Variants in TMPRSS3 observed in about 807,000 individuals in gnomAD.
TMPRSS3 encodes transmembrane protease serine 3.
Under a neutral mutation model 59.6 loss-of-function variants are expected in TMPRSS3, and 55 were observed. That is an observed-to-expected ratio of 0.92 (90% CI 0.74 to 1.16). The LOEUF (loss-of-function observed/expected upper bound fraction) is 1.16. TMPRSS3 is among the 50% of genes most tolerant of loss of function. The pLI is 0.00. For synonymous variants in TMPRSS3, 257 were observed against 237.7 expected (o/e 1.08, Z -0.75); for missense variants, 596 against 579.4 (o/e 1.03, Z -0.29).
At chr21:42,383,414 C>A in intron 7 of TMPRSS3, 1 of 610,192 alleles carries the variant, frequency 1.6e-6, no homozygotes, top group Admixed American at 2.8e-5. Flanking sequence ...GTGGAGGATG[C>A]GGTGGGAAAA....
rs772921535 is a variant in TMPRSS3 at position 42,388,562 on chromosome 21, C to T, written c.323-36G>A. On this transcript the variant is annotated intron_variant, in intron 4 of 12. Coordinates refer to ENST00000644384, the MANE Select transcript of TMPRSS3 (RefSeq NM_001256317.3). This position sits in a 1 kb window ranked among gnomAD's most constrained non-coding sequence, Gnocchi z 5.1. ...TGCAGAAAGAAAGGCTTATTAGTGG[C>T]CAGTGGAACCCTGAGACCATAGGCA... 17 of 1,613,956 alleles carry T rather than the reference C, an allele frequency of 1.1e-5. No homozygotes were observed. The highest frequency in any genetic ancestry group is 1.3e-5 in the Non-Finnish European group (15 of 1,180,038).
intron 2 of TMPRSS3, chr21:42,390,264 G>A (rs1035601910): frequency 7.3e-6 from 4 of 547,996 alleles, no homozygotes; most frequent in Non-Finnish European, 1.3e-5. Context: ...ATGAGGGGAT[G>A]TGCTATGGGT....
Position 42,376,702 on chromosome 21 carries a change from G to A in TMPRSS3, c.1049-19C>T. The stretch of plus-strand genomic sequence containing the variant: ...GCGTCACCTGCTTCAAAGTGAGTGA[G>A]GGGATGTGTGTGAGAAGGAAGCCCG... On this transcript the variant is annotated intron_variant, in intron 10 of 12. Transcript: ENST00000644384. 6.2e-7 allele frequency: 1 copy of A among 1,613,818 alleles called. No homozygotes were observed. The highest frequency in any genetic ancestry group is 1.7e-4 in the Middle Eastern group (1 of 6,052).
intron 12 of TMPRSS3, among the ~76,000 whole-genome samples, chr21:42,373,304 G>A (rs896168278): frequency 1.2e-4 from 19 of 152,246 alleles, no homozygotes; most frequent in South Asian, 6.2e-4. Context: ...CCCCTAGGAC[G>A]TCTGAAGAGG....
chr21:42,375,919 G>A, intron 11 of TMPRSS3, 51 bp from the exon 12 acceptor site: 1 of 1,608,488 alleles, frequency 6.2e-7, no homozygotes, highest in Non-Finnish European at 8.5e-7. Flanking sequence ...CGCCATGCGA[G>A]ATTGCTTTCT....
At chr21:42,391,355 A>G (rs1314181242) in intron 2 of TMPRSS3, among the ~76,000 whole-genome samples, 1 of 152,186 alleles carries the variant, frequency 6.6e-6, no homozygotes, top group African/African-American at 2.4e-5. Context: ...CGAGGACAGG[A>G]TGTTGATACA....
At chr21:42,387,768 C>T (rs1390035560) in intron 5 of TMPRSS3, among the ~76,000 whole-genome samples, 1 of 152,118 alleles carries the variant, frequency 6.6e-6, no homozygotes, top group Non-Finnish European at 1.5e-5. Flanking sequence ...CGTGGAAGTA[C>T]AGCGGCCGCA....
chr21:42,383,311 G>A (rs772360432), intron 7 of TMPRSS3, 113 bp from the exon 8 acceptor site: 28 of 1,163,684 alleles, frequency 2.4e-5, no homozygotes, highest in Non-Finnish European at 3.5e-5. Context: ...CCTGCTCCCA[G>A]AGCTCACAGC....
intron 1 of TMPRSS3, 80 bp downstream of exon 1, chr21:42,395,862 T>C (rs2052799712): frequency 6.3e-6 from 3 of 473,348 alleles, no homozygotes; most frequent in South Asian, 4.5e-5. Context: ...GCGATTGTTT[T>C]CACCTGTCCC....
intron 5 of TMPRSS3, among the ~76,000 whole-genome samples, chr21:42,387,733 G>A (rs189007385): frequency 4.9e-4 from 75 of 152,298 alleles, no homozygotes; most frequent in African/African-American, 1.4e-3. Flanking sequence ...GAGCAAAGGG[G>A]AGTAAGGAGG....
intron 7 of TMPRSS3, 24 bp downstream of exon 7, chr21:42,383,946 C>T: frequency 6.2e-7 from 1 of 1,613,802 alleles, no homozygotes; most frequent in Non-Finnish European, 8.5e-7. Flanking sequence ...TCCCCCTGGA[C>T]CCCTGCCTTT....
In TMPRSS3 at chr21:42,388,481, G is replaced by A. The variant is rs769346020; in HGVS notation, c.368C>T (p.Ala123Val). Residue 123 changes from alanine to valine, a missense_variant, in exon 5 of 13, where the codon GCT becomes GTT. By Grantham distance (64) the Ala-to-Val change is moderately conservative. Coordinates refer to ENST00000644384, the MANE Select transcript of TMPRSS3 (RefSeq NM_001256317.3). This position sits in a 1 kb window ranked among gnomAD's most constrained non-coding sequence, Gnocchi z 5.1. ...QNAVLQVFTA[A>V]SWKTMCSDDW... is the part of the protein sequence containing the mutation. ...ATCGGAGCACATGGTCTTCCACGAA[G>A]CAGCTGTGAACACCTGGAGCACGGC... The A allele has an allele frequency of 7.4e-6, 12 of 1,614,214 alleles. No homozygotes were observed. In the Admixed American group the frequency reaches 1.7e-4, roughly 22 times the overall value.
At chr21:42,385,894 G>A (rs1056919582) in intron 5 of TMPRSS3, among the ~76,000 whole-genome samples, 4 of 152,122 alleles carry the variant, frequency 2.6e-5, no homozygotes, top group African/African-American at 7.2e-5. Flanking sequence ...GTCCAGAGGG[G>A]AGGTGAGCAC....
rs1339614497 is a variant in TMPRSS3 at position 42,372,107 on chromosome 21, C to T, written c.*655G>A. The stretch of plus-strand genomic sequence containing the variant: ...GCAGTTCTGCACTTCTGGGCTGGTG[C>T]GTCTTTTCTGAGTGGCTGTTGGTGG... On this transcript the variant is annotated 3_prime_UTR_variant, in exon 13 of 13. Coordinates refer to ENST00000644384, the MANE Select transcript of TMPRSS3 (RefSeq NM_001256317.3). 5 of 454,164 alleles carry T rather than the reference C, an allele frequency of 1.1e-5. No homozygotes were observed. Among genetic ancestry groups the T allele is most frequent in the Admixed American group, 9.4e-5 (4 of 42,544 alleles). The allele number at this position is 454,164 out of a possible 1,614,324, so 28.1% of individuals were successfully genotyped here. A position where few individuals can be genotyped will look rare whatever the true frequency, so the allele number is the denominator to read the frequency against.
At chr21:42,376,407 G>A in intron 11 of TMPRSS3, 134 bp downstream of exon 11, 3 of 1,294,232 alleles carry the variant, frequency 2.3e-6, no homozygotes, top group Non-Finnish European at 3.2e-6. Context: ...GAAAAGGAGT[G>A]ATATCTTGAG....
intron 2 of TMPRSS3, among the ~76,000 whole-genome samples, chr21:42,391,757 C>T (rs1262849429): frequency 1.3e-5 from 2 of 152,226 alleles, no homozygotes; most frequent in African/African-American, 4.8e-5. Context: ...TGACCCAGGA[C>T]TCTCGTGTCT....
At position 42,383,081 on chromosome 21, in the gene TMPRSS3, G is replaced by A; in HGVS notation, c.734C>T (p.Ser245Phe). The change falls in exon 8 of 13, where the codon TCT becomes TTT. Residue 245 changes from serine to phenylalanine, a missense_variant. By Grantham distance (155) the Ser-to-Phe change is radical (BLOSUM62 -2). Coordinates refer to ENST00000644384, the MANE Select transcript of TMPRSS3 (RefSeq NM_001256317.3). ...GATGATCCACAGGGGCGTGATGACAGAGCCCCCGCACAGGTGGTAGCCCTG... is the reference window on the plus strand; with the variant it reads ...GATGATCCACAGGGGCGTGATGACAAAGCCCCCGCACAGGTGGTAGCCCTG... The part of the protein sequence containing the change: ...QFQGYHLCGG[S>F]VITPLWIITA... 1.2e-6 allele frequency: 2 copies of A among 1,614,198 alleles called. No homozygotes were observed. Among genetic ancestry groups the A allele is most frequent in the Non-Finnish European group, 1.7e-6 (2 of 1,180,044 alleles).
intron 7 of TMPRSS3, 90 bp downstream of exon 7, chr21:42,383,880 C>T (rs1292959743): frequency 2.2e-6 from 3 of 1,381,398 alleles, no homozygotes; most frequent in African/African-American, 2.9e-5. Flanking sequence ...GGATACAGAG[C>T]CCCATGGGGG....
intron 11 of TMPRSS3, 110 bp downstream of exon 11, chr21:42,376,431 C>A: frequency 6.7e-7 from 1 of 1,483,576 alleles, no homozygotes; most frequent in East Asian, 2.4e-5. Context: ...ATTTCTTCTC[C>A]ACGCCCTGTA....
Sources: gnomAD v4.1 joint callset for allele counts (sites outside exome capture counted in the v4.1 genomes callset) on GRCh38, gnomAD v4.1.1 for gene constraint, Gnocchi (gnomAD v3.1) non-coding constraint, MANE v1.5 for transcripts, NCBI Gene and HGNC (gene_info 2026-07-23, HGNC 2026-07-21) for gene names.